The following SRPK2 variants were observed in gnomAD, a reference collection of about 807,000 sequenced individuals.
SRPK2 encodes SRSF protein kinase 2.
Under a neutral mutation model 90.8 loss-of-function variants are expected in SRPK2, and 21 were observed. That is an observed-to-expected ratio of 0.23 (90% CI 0.16 to 0.33). The LOEUF (loss-of-function observed/expected upper bound fraction) is 0.33. SRPK2 is among the 10% of genes least tolerant of loss of function. The pLI is 1.00. For synonymous variants in SRPK2, 288 were observed against 311.1 expected, an observed-to-expected ratio of 0.93 and a Z score of 0.78; for missense variants, 620 against 869.0, an observed-to-expected ratio of 0.71 and a Z score of 3.60.
At chr7:105,257,666 AG>A (rs778925586) in intron 2 of SRPK2, among the ~76,000 whole-genome samples, 1 of 152,202 alleles carries the variant, frequency 6.6e-6, no homozygotes, top group Non-Finnish European at 1.5e-5. Context: ...ATCAGACAAC[AG>A]AATCTAGACA....
At chr7:105,299,831 T>C (rs755374211) in intron 2 of SRPK2, among the ~76,000 whole-genome samples, 9 of 152,144 alleles carry the variant, frequency 5.9e-5, no homozygotes, top group Non-Finnish European at 1.2e-4. Context: ...GCGGCGTAAG[T>C]TGCAGTGAGC....
At chr7:105,186,391 T>G (rs1793582441) in intron 3 of SRPK2, among the ~76,000 whole-genome samples, 1 of 152,318 alleles carries the variant, frequency 6.6e-6, no homozygotes, top group African/African-American at 2.4e-5. Context: ...GTTTCCATCT[T>G]TAAGTCCATG....
chr7:105,139,237 G>A (rs1255008522), intron 11 of SRPK2, among the ~76,000 whole-genome samples: 1 of 152,152 alleles, frequency 6.6e-6, no homozygotes, highest in Non-Finnish European at 1.5e-5. Context: ...AGGGCATGCT[G>A]AAAGGCAGGT....
chr7:105,203,764 A>G lies in SRPK2; in HGVS notation c.93T>C (p.Ala31=). 1 of 1,597,550 alleles carries G rather than the reference A, an allele frequency of 6.3e-7. No homozygotes were observed. Among genetic ancestry groups the G allele is most frequent in the Non-Finnish European group, 8.5e-7 (1 of 1,171,774 alleles). The part of the protein sequence containing the change: ...HPKKPEPQQK[A]PLVPPPPPPP... ...GCGGTGGAGGAGGAGGAACTAAAGG[A>G]GCTTTCTGTTGAGGCTCCGGCCTGA... The change falls in exon 3 of 16, where the codon GCT becomes GCC. Residue 31 remains alanine (A), a synonymous_variant. Transcript: ENST00000393651.
intron 2 of SRPK2, among the ~76,000 whole-genome samples, chr7:105,385,827 C>G (rs1821513755): frequency 6.6e-6 from 1 of 152,322 alleles, no homozygotes; most frequent in Non-Finnish European, 1.5e-5. Flanking sequence ...TTAGGGTTGT[C>G]ACAAGGTATA....
At chr7:105,248,203 A>T (rs183828068) in intron 2 of SRPK2, among the ~76,000 whole-genome samples, 21 of 152,278 alleles carry the variant, frequency 1.4e-4, no homozygotes, top group African/African-American at 5.1e-4. Context: ...TACTACTTAA[A>T]GGAAGCAAAT....
At chr7:105,193,282 A>G (rs1384765419) in intron 3 of SRPK2, among the ~76,000 whole-genome samples, 1 of 152,130 alleles carries the variant, frequency 6.6e-6, no homozygotes, top group East Asian at 1.9e-4. Flanking sequence ...TCCCAGCACC[A>G]TTTGTTGAAT....
chr7:105,303,000 G>A (rs1402240537), intron 2 of SRPK2, among the ~76,000 whole-genome samples: 2 of 152,072 alleles, frequency 1.3e-5, no homozygotes, highest in Non-Finnish European at 2.9e-5. Flanking sequence ...CATGAACCCA[G>A]GAGGCGGAGC....
chr7:105,340,093 G>A (rs993575704), intron 2 of SRPK2, among the ~76,000 whole-genome samples: 12 of 150,432 alleles, frequency 8.0e-5, no homozygotes, highest in Non-Finnish European at 1.0e-4. Context: ...GCCAGGATCC[G>A]TAACTATAAC....
At chr7:105,175,600 A>G (rs1267049722) in intron 3 of SRPK2, among the ~76,000 whole-genome samples, 1 of 152,188 alleles carries the variant, frequency 6.6e-6, no homozygotes, top group African/African-American at 2.4e-5. Context: ...TCTTTAAGAA[A>G]ATAAAAGCAA....
At chr7:105,166,472 G>A (rs1314336059) in intron 6 of SRPK2, among the ~76,000 whole-genome samples, 1 of 152,114 alleles carries the variant, frequency 6.6e-6, no homozygotes, top group Non-Finnish European at 1.5e-5. Flanking sequence ...GAAGTAAAAG[G>A]ACATGACTTC....
chr7:105,240,575 G>A (rs555311771), intron 2 of SRPK2, among the ~76,000 whole-genome samples: 101 of 152,140 alleles, frequency 6.6e-4, no homozygotes, highest in Non-Finnish European at 1.1e-3. Context: ...TTAGGGGGCA[G>A]TGGAGGAGGA....
chr7:105,199,085 G>A (rs900249904), intron 3 of SRPK2, among the ~76,000 whole-genome samples: 3 of 152,142 alleles, frequency 2.0e-5, no homozygotes, highest in African/African-American at 7.2e-5. Context: ...TAAAACAGCT[G>A]AGGGTTCATA....
At chr7:105,385,198 T>TTGG (rs756321925) in intron 2 of SRPK2, among the ~76,000 whole-genome samples, 9 of 79,480 alleles carry the variant, frequency 1.1e-4, no homozygotes, top group Non-Finnish European at 1.8e-4. Flanking sequence ...TTTTTTTTTT[T>TTGG]GAGATGGAGT....
chr7:105,197,952 T>A (rs1478167107), intron 3 of SRPK2, among the ~76,000 whole-genome samples: 1 of 152,232 alleles, frequency 6.6e-6, no homozygotes, highest in South Asian at 2.1e-4. Context: ...TGCAAGGCAA[T>A]GTTCCTACAG....
chr7:105,273,214 C>CA lies in SRPK2; in HGVS notation c.72-69430dup, dbSNP rs776610794. Among the ~76,000 whole-genome samples, 699 of 131,018 alleles carry CA rather than the reference C, an allele frequency of 5.3e-3. 4 individuals carry two copies. Among genetic ancestry groups the CA allele is most frequent in the African/African-American group, 7.6e-3 (269 of 35,578 alleles). The allele number at this position is 131,018 out of a possible 152,430, so 86.0% of individuals were successfully genotyped here. On this transcript the variant is annotated intron_variant, in intron 2 of 15. Transcript: ENST00000393651. ...TGGGTGACAGAGAGAGACTCCGTCT[C>CA]AAAAAAAAAAAAGAAAAAAGAATTA...
chr7:105,171,907 A>C (rs1791204191), intron 3 of SRPK2, among the ~76,000 whole-genome samples: 1 of 151,986 alleles, frequency 6.6e-6, no homozygotes, highest in Admixed American at 6.6e-5. Context: ...TTATTTATTT[A>C]TATTTTTTGA....
At chr7:105,262,088 G>T (rs35442357) in intron 2 of SRPK2, among the ~76,000 whole-genome samples, 25,393 of 152,052 alleles carry the variant, frequency 0.17, 2,779 homozygotes, top group East Asian at 0.58. Flanking sequence ...GATCAGATTT[G>T]TGTTCTGAAA....
At chr7:105,160,335 GACTT>G in intron 7 of SRPK2, 168 bp downstream of exon 7, 1 of 405,830 alleles carries the variant, frequency 2.5e-6, no homozygotes. Flanking sequence ...ATTAAATACT[GACTT>G]AATAAGAGTT....
Sources: gnomAD v4.1 joint callset for allele counts (sites outside exome capture counted in the v4.1 genomes callset) on GRCh38, gnomAD v4.1.1 for gene constraint, MANE v1.5 for transcripts, NCBI Gene and HGNC (gene_info 2026-07-23, HGNC 2026-07-21) for gene names.